ANKRD17: variants seen among roughly 807,000 people sequenced by gnomAD.
The protein encoded by ANKRD17 is ankyrin repeat domain-containing protein 17.
In ANKRD17, 19 loss-of-function variants were observed where a neutral mutation model predicts 229.7. The ratio of observed to expected loss-of-function variants is 0.08; its 90% CI spans 0.06 to 0.12. The LOEUF (loss-of-function observed/expected upper bound fraction) is 0.12, where lower values mean the gene tolerates loss of function less well. Ranked by LOEUF, ANKRD17 falls within the 10% of genes least tolerant of loss-of-function variation. The probability of loss-of-function intolerance (pLI) is 1.00; values close to 1 mark genes in which losing one functional copy is unlikely to be tolerated. For synonymous variants in ANKRD17, 1,112 were observed against 1,146.1 expected (o/e 0.97, Z 0.60); for missense variants, 2,176 against 3,176.8 (o/e 0.68, Z 7.57).
chr4:73,204,762 AG>A (rs1739227774), intron 1 of ANKRD17, among the ~76,000 whole-genome samples: 1 of 152,196 alleles, frequency 6.6e-6, no homozygotes, highest in Non-Finnish European at 1.5e-5. Flanking sequence ...TACTGTCGTA[AG>A]GTTCTTAATA....
intron 1 of ANKRD17, among the ~76,000 whole-genome samples, chr4:73,188,315 G>C (rs1158775945): frequency 6.6e-6 from 1 of 152,100 alleles, no homozygotes; most frequent in African/African-American, 2.4e-5. Flanking sequence ...GGCCAGGTAT[G>C]GTGGCTCACA....
chr4:73,107,768 G>A (rs546879808), intron 24 of ANKRD17, among the ~76,000 whole-genome samples: 1 of 152,104 alleles, frequency 6.6e-6, no homozygotes, highest in African/African-American at 2.4e-5. Flanking sequence ...AGTATCAGGA[G>A]GCTTGATCAC....
intron 2 of ANKRD17, among the ~76,000 whole-genome samples, chr4:73,171,088 G>A (rs1733929579): frequency 6.6e-6 from 1 of 151,566 alleles, no homozygotes; most frequent in African/African-American, 2.4e-5. Flanking sequence ...TGCTCTGCTG[G>A]CTTCAAGTCT....
At chr4:73,257,416 C>G (rs910638785) in intron 1 of ANKRD17, among the ~76,000 whole-genome samples, 7 of 152,166 alleles carry the variant, frequency 4.6e-5, no homozygotes, top group African/African-American at 1.4e-4. Flanking sequence ...AACCGAGAGG[C>G]CTTCCTATTC....
intron 1 of ANKRD17, among the ~76,000 whole-genome samples, chr4:73,203,758 CAAAAAAA>C (rs67020753): frequency 4.9e-5 from 4 of 82,166 alleles, no homozygotes; most frequent in Non-Finnish European, 6.6e-5. Flanking sequence ...GACTCCGTCT[CAAAAAAA>C]AAAAAAAAAA....
rs539800510 is a variant in ANKRD17, at chr4:73,160,508, A to G, written c.704+684T>C. Among the ~76,000 whole-genome samples, 83 of 152,214 alleles carry G rather than the reference A, an allele frequency of 5.5e-4. 1 individual carries two copies. In the South Asian group the frequency reaches 0.016, roughly 29 times the overall value. ...GCTGAGATTACAGGCGTGAGCTACCATGCCTGGCTTCCATTTTTCAATATA... is the reference window on the plus strand; with the variant it reads ...GCTGAGATTACAGGCGTGAGCTACCGTGCCTGGCTTCCATTTTTCAATATA... On this transcript the variant is annotated intron_variant, in intron 3 of 33. Coordinates refer to ENST00000358602, the MANE Select transcript of ANKRD17 (RefSeq NM_032217.5).
intron 1 of ANKRD17, among the ~76,000 whole-genome samples, chr4:73,190,782 A>G (rs1736965294): frequency 6.6e-6 from 1 of 152,014 alleles, no homozygotes; most frequent in Non-Finnish European, 1.5e-5. Context: ...AAAATGGAAG[A>G]AAAAAATGTA....
At chr4:73,171,217 GAGA>G (rs1379611718) in intron 2 of ANKRD17, among the ~76,000 whole-genome samples, 3 of 150,822 alleles carry the variant, frequency 2.0e-5, no homozygotes, top group Non-Finnish European at 4.4e-5. Context: ...GAGAGAGAGA[GAGA>G]GACTGAGACT....
At chr4:73,146,985 C>A in intron 9 of ANKRD17, 112 bp from the exon 10 acceptor site, 2 of 873,344 alleles carry the variant, frequency 2.3e-6, no homozygotes, top group Non-Finnish European at 3.4e-6. Context: ...TAAACAAATT[C>A]AAACTTCACT....
chr4:73,161,429 G>A (rs1732507640), intron 2 of ANKRD17, 81 bp from the exon 3 acceptor site: 1 of 1,416,726 alleles, frequency 7.1e-7, no homozygotes, highest in Non-Finnish European at 9.7e-7. Context: ...AAGCTATACT[G>A]TGTATGTTAA....
chr4:73,189,921 G>T (rs1736821435), intron 1 of ANKRD17, among the ~76,000 whole-genome samples: 1 of 152,068 alleles, frequency 6.6e-6, no homozygotes, highest in Admixed American at 6.5e-5. Flanking sequence ...ATTAAAAATA[G>T]AACACATTAT....
chr4:73,243,702 T>C (rs1364322042), intron 1 of ANKRD17, among the ~76,000 whole-genome samples: 1 of 152,210 alleles, frequency 6.6e-6, no homozygotes, highest in Admixed American at 6.5e-5. Context: ...TCCCCTTCTT[T>C]TAGCAAAAGA....
chr4:73,100,543 T>C (rs1454896856), intron 25 of ANKRD17, among the ~76,000 whole-genome samples: 1 of 152,098 alleles, frequency 6.6e-6, no homozygotes, highest in Admixed American at 6.5e-5. Context: ...GTATGTACTG[T>C]ATATTACGTA....
At chr4:73,130,608 C>A in intron 16 of ANKRD17, among the ~76,000 whole-genome samples, 1 of 136,854 alleles carries the variant, frequency 7.3e-6, no homozygotes, top group African/African-American at 3.3e-5. Flanking sequence ...CTATAAAGAT[C>A]TATTTTTTTT....
intron 31 of ANKRD17, among the ~76,000 whole-genome samples, 180 bp downstream of exon 31, chr4:73,078,462 G>C (rs567937506): frequency 2.0e-5 from 3 of 152,042 alleles, no homozygotes; most frequent in East Asian, 1.9e-4. Context: ...CGCTTGAACC[G>C]GGGAGGTGGA....
chr4:73,085,123 AAAT>A (rs1721985071), intron 30 of ANKRD17, 123 bp downstream of exon 30: 1 of 1,065,364 alleles, frequency 9.4e-7, no homozygotes, highest in Admixed American at 2.3e-5. Context: ...AATTTTTTTG[AAAT>A]TCCAGACTTC....
intron 1 of ANKRD17, among the ~76,000 whole-genome samples, chr4:73,180,216 AATAAT>A (rs934672969): frequency 3.9e-5 from 6 of 152,142 alleles, no homozygotes; most frequent in African/African-American, 1.4e-4. Flanking sequence ...ATGCATAAAG[AATAAT>A]ATAAAAGGAT....
At chr4:73,133,840 A>C (rs1313058628) in intron 16 of ANKRD17, among the ~76,000 whole-genome samples, 1 of 152,166 alleles carries the variant, frequency 6.6e-6, no homozygotes, top group Non-Finnish European at 1.5e-5. Flanking sequence ...CCCATTACAA[A>C]AGAAAAAAAG....
chr4:73,181,941 G>C (rs1735612029), intron 1 of ANKRD17, among the ~76,000 whole-genome samples: 1 of 150,514 alleles, frequency 6.6e-6, no homozygotes. Flanking sequence ...CCAGCTACTT[G>C]GAAGGCTGAG....
Sources: gnomAD v4.1 joint callset for allele counts (sites outside exome capture counted in the v4.1 genomes callset) on GRCh38, gnomAD v4.1.1 for gene constraint, MANE v1.5 for transcripts, NCBI Gene and HGNC (gene_info 2026-07-23, HGNC 2026-07-21) for gene names.